NDEL1: variants seen among roughly 807,000 people sequenced by gnomAD.
NDEL1 encodes the protein nuclear distribution protein nudE-like 1.
In NDEL1, 9 loss-of-function variants were observed where a neutral mutation model predicts 45.7. The ratio of observed to expected loss-of-function variants is 0.20; its 90% CI spans 0.12 to 0.34. The LOEUF is 0.34. Ranked by LOEUF, NDEL1 falls within the 10% of genes least tolerant of loss-of-function variation. NDEL1 has a pLI of 1.00. For missense variants in NDEL1, 306 were observed against 406.2 expected, an observed-to-expected ratio of 0.75 and a Z score of 2.12; for synonymous variants, 133 against 158.6, an observed-to-expected ratio of 0.84 and a Z score of 1.21.
chr17:8,468,997 C>G (rs1244600632), downstream of NDEL1, among the ~76,000 whole-genome samples: 1 of 150,314 alleles, frequency 6.7e-6, no homozygotes, highest in African/African-American at 2.5e-5. Context: ...GAGCTAGACT[C>G]TGTCTCAAGA....
At chr17:8,427,871 A>C (rs1348829159) in intron 1 of NDEL1, among the ~76,000 whole-genome samples, 2 of 152,196 alleles carry the variant, frequency 1.3e-5, no homozygotes. Context: ...TTATGATGAA[A>C]AATTAAGATG....
intron 1 of NDEL1, among the ~76,000 whole-genome samples, chr17:8,440,528 A>T (rs57262358): frequency 2.8e-5 from 3 of 106,120 alleles, no homozygotes; most frequent in African/African-American, 1.0e-4. Context: ...AAAAAAAAAA[A>T]AAAAGAATGT....
intron 1 of NDEL1, among the ~76,000 whole-genome samples, chr17:8,418,837 TTC>T (rs141506184): frequency 0.28 from 41,544 of 148,558 alleles, 7,106 homozygotes; most frequent in Middle Eastern, 0.39. Context: ...CTCTCTCTCT[TTC>T]TCTTTCTCTC....
chr17:8,472,095 T>C (rs2151748324), downstream of NDEL1, among the ~76,000 whole-genome samples: 1 of 152,114 alleles, frequency 6.6e-6, no homozygotes, highest in African/African-American at 2.4e-5. Context: ...CAGGAAGGTG[T>C]GGTTTGACAA....
chr17:8,422,636 T>C (rs1193547737), intron 1 of NDEL1, among the ~76,000 whole-genome samples: 2 of 152,198 alleles, frequency 1.3e-5, no homozygotes, highest in Non-Finnish European at 2.9e-5. Context: ...TCCACCTCTA[T>C]AGTATAGGCA....
Position 8,467,273 on chromosome 17 carries a change from C to T in NDEL1, c.*250C>T, listed in dbSNP as rs1034490431. 5.1e-5 allele frequency: 30 copies of T among 583,816 alleles called. 1 individual carries two copies. The highest frequency in any genetic ancestry group is 1.0e-4 in the South Asian group (5 of 48,074). The allele number at this position is 583,816 out of a possible 1,614,324, so 36.2% of individuals were successfully genotyped here. A position where few individuals can be genotyped will look rare whatever the true frequency, so the allele number is the denominator to read the frequency against. On this transcript the variant is annotated 3_prime_UTR_variant, in exon 9 of 9. Transcript: ENST00000334527. The surrounding 1 kb of genome is among the most constrained non-coding windows in gnomAD (Gnocchi z 6.3). ...TTCACATGATTGCACTTTTGTGGGT[C>T]GCAAGGTGATACATACGTGTATTAC...
chr17:8,471,144 GTTT>G (rs1369276685), downstream of NDEL1, among the ~76,000 whole-genome samples: 3 of 152,298 alleles, frequency 2.0e-5, no homozygotes, highest in Non-Finnish European at 4.4e-5. Flanking sequence ...CATTCTGCAA[GTTT>G]TTTGTTGTTG....
At position 8,450,906 on chromosome 17, in the gene NDEL1, C is replaced by T; in HGVS notation, c.653C>T (p.Ala218Val). 6.2e-7 allele frequency: 1 copy of T among 1,612,594 alleles called. No homozygotes were observed. Among genetic ancestry groups the T allele is most frequent in the East Asian group, 2.2e-5 (1 of 44,766 alleles). ...SAVQASLSLP[A>V]TPVGKGTENT... ...GTCCAAGCATCACTTTCTTTGCCAG[C>T]TACCCCTGTTGGCAAAGGAACGGAG... The change falls in exon 6 of 9, where the codon GCT becomes GTT. Residue 218 changes from alanine (A) to valine (V), a missense_variant. Physicochemically the swap from Ala to Val is moderately conservative, Grantham distance 64. Around this residue, in one of 3 missense-constraint regions of NDEL1, gnomAD observed 175 missense variants for 205.2 expected, o/e 0.85. Coordinates refer to ENST00000334527, the MANE Select transcript of NDEL1 (RefSeq NM_030808.5).
intron 8 of NDEL1, among the ~76,000 whole-genome samples, chr17:8,460,433 G>A (rs539533264): frequency 4.6e-5 from 7 of 152,248 alleles, no homozygotes; most frequent in East Asian, 3.9e-4. Flanking sequence ...AAATGACTGC[G>A]ATAAGGTCCC....
chr17:8,470,356 G>C (rs7212319), downstream of NDEL1, among the ~76,000 whole-genome samples: 145,506 of 152,188 alleles, frequency 0.96, 69,888 homozygotes, highest in East Asian at 1. The surrounding 1 kb of genome is among the most constrained non-coding windows in gnomAD (Gnocchi z 4.2). Context: ...GATCTCCCGG[G>C]TGGTGGACAG....
At chr17:8,466,806 A>AG (rs1264045151) in intron 8 of NDEL1, 124 bp from the exon 9 acceptor site, 2 of 936,986 alleles carry the variant, frequency 2.1e-6, no homozygotes, top group East Asian at 2.6e-5. Flanking sequence ...TTGGGCCATC[A>AG]GGACCCTACA....
At chr17:8,446,937 C>T (rs780833978) in intron 4 of NDEL1, 35 bp downstream of exon 4, 2 of 1,598,202 alleles carry the variant, frequency 1.3e-6, no homozygotes, top group Admixed American at 1.7e-5. Context: ...AGAAAAAAAC[C>T]ACCTTGGTAA....
chr17:8,454,009 C>T (rs1910680242), intron 6 of NDEL1, among the ~76,000 whole-genome samples: 1 of 152,010 alleles, frequency 6.6e-6, no homozygotes, highest in African/African-American at 2.4e-5. Flanking sequence ...ATTGGCTCTC[C>T]ATTTGGAGGA....
chr17:8,462,991 G>A (rs1911315787), intron 8 of NDEL1: 2 of 220,184 alleles, frequency 9.1e-6, no homozygotes, highest in African/African-American at 4.6e-5. Flanking sequence ...TTTTTGTCTA[G>A]TCTGTGAGCA....
intron 1 of NDEL1, 135 bp from the exon 2 acceptor site, chr17:8,444,125 A>G: frequency 1.7e-6 from 1 of 591,176 alleles, no homozygotes; most frequent in Non-Finnish European, 3.0e-6. Context: ...CTGAGTTTGA[A>G]GAGAGTTAAC....
intron 3 of NDEL1, among the ~76,000 whole-genome samples, chr17:8,473,191 T>A (rs1397721422): frequency 7.0e-6 from 1 of 142,778 alleles, no homozygotes; most frequent in Non-Finnish European, 1.5e-5. Context: ...GGAAGAATTC[T>A]TTTTTTTTTT....
chr17:8,460,168 C>T lies in NDEL1; in HGVS notation c.944+8C>T. 1 of 1,606,518 alleles carries T rather than the reference C, an allele frequency of 6.2e-7. No individual in the cohort carries two copies. Among genetic ancestry groups the T allele is most frequent in the Admixed American group, 1.7e-5 (1 of 58,258 alleles). On this transcript the variant is annotated splice_region_variant and intron_variant, in intron 8 of 8. Transcript: ENST00000334527. Reference sequence around the variant, plus strand: ...ATCTTTCTTCGACAAAGGGTAAGTCCTGAATGTTTTAAGTGATAATTTTTT... The same window carrying T: ...ATCTTTCTTCGACAAAGGGTAAGTCTTGAATGTTTTAAGTGATAATTTTTT...
At chr17:8,470,961 G>A (rs1265751378), downstream of NDEL1, among the ~76,000 whole-genome samples, 2 of 152,242 alleles carry the variant, frequency 1.3e-5, no homozygotes, top group East Asian at 1.9e-4. This position sits in a 1 kb window ranked among gnomAD's most constrained non-coding sequence, Gnocchi z 4.2. Context: ...GCACTTCTGG[G>A]AGAGGGGAGG....
chr17:8,427,222 G>A lies in NDEL1; in HGVS notation c.-13+13953G>A, dbSNP rs192341601. Among the ~76,000 whole-genome samples the A allele has an allele frequency of 3.2e-3, 490 of 152,304 alleles. 7 individuals are homozygous for A. Among genetic ancestry groups the A allele is most frequent in the Non-Finnish European group, 1.8e-3 (121 of 68,022 alleles). On this transcript the variant is annotated intron_variant, in intron 1 of 4. Transcript: ENST00000582812. The stretch of plus-strand genomic sequence containing the variant: ...GGAGTCTGAGCTGCTTTGAGTGGTC[G>A]GTGAGCTCTGTTTGCTCCAGAAGCT...
Sources: gnomAD v4.1 joint callset for allele counts (sites outside exome capture counted in the v4.1 genomes callset) on GRCh38, gnomAD v4.1.1 for gene constraint, gnomAD v4.1.1 regional missense constraint, Gnocchi (gnomAD v3.1) non-coding constraint, MANE v1.5 for transcripts, NCBI Gene and HGNC (gene_info 2026-07-23, HGNC 2026-07-21) for gene names.